NAALADL2: variants seen among roughly 807,000 people sequenced by gnomAD.
NAALADL2 encodes N-acetylated alpha-linked acidic dipeptidase like 2.
NAALADL2 carries 76 observed loss-of-function variants against 87.2 expected under a neutral mutation model. The observed-to-expected ratio is 0.87, with a 90% CI of 0.72 to 1.05. NAALADL2 has a LOEUF of 1.05. NAALADL2 is among the 50% of genes least tolerant of loss of function. The pLI, the probability that NAALADL2 is intolerant of heterozygous loss-of-function variation, is 0.00. For synonymous variants in NAALADL2, 354 were observed against 331.0 expected (o/e 1.07, Z -0.75); for missense variants, 1,089 against 945.8 (o/e 1.15, Z -1.99).
At chr3:175,564,286 C>A (rs758569377) in intron 9 of NAALADL2, among the ~76,000 whole-genome samples, 34 of 151,998 alleles carry the variant, frequency 2.2e-4, no homozygotes, top group Non-Finnish European at 2.4e-4. Context: ...TGCTAATACG[C>A]AAAATAATTT....
At chr3:175,316,216 G>T (rs954694500) in intron 4 of NAALADL2, among the ~76,000 whole-genome samples, 6 of 152,090 alleles carry the variant, frequency 3.9e-5, no homozygotes, top group South Asian at 2.1e-4. Flanking sequence ...GTATTTTCAA[G>T]TAACAGAAGC....
At chr3:175,215,049 C>T (rs1363224237) in intron 2 of NAALADL2, among the ~76,000 whole-genome samples, 1 of 152,078 alleles carries the variant, frequency 6.6e-6, no homozygotes, top group African/African-American at 2.4e-5. Flanking sequence ...CCACAGCCCT[C>T]TTTTTTTCCC....
At chr3:175,040,465 T>TA (rs763416053) in intron 1 of NAALADL2, among the ~76,000 whole-genome samples, 15 of 152,298 alleles carry the variant, frequency 9.8e-5, no homozygotes, top group Admixed American at 3.9e-4. Context: ...GTAGAAAACT[T>TA]ACGGGGGCCG....
chr3:174,936,368 A>G (rs1737686751), intron 1 of NAALADL2, among the ~76,000 whole-genome samples: 1 of 152,086 alleles, frequency 6.6e-6, no homozygotes, highest in African/African-American at 2.4e-5. Context: ...GTTTAGATCT[A>G]TTCCTGGATG....
At chr3:175,787,211 A>T in intron 13 of NAALADL2, among the ~76,000 whole-genome samples, 8 of 151,020 alleles carry the variant, frequency 5.3e-5, no homozygotes, top group African/African-American at 9.7e-5. Flanking sequence ...AGAGGCAGGC[A>T]GGCCTCCTTG....
chr3:175,410,994 T>C (rs1713406329), intron 5 of NAALADL2, among the ~76,000 whole-genome samples: 1 of 152,178 alleles, frequency 6.6e-6, no homozygotes, highest in African/African-American at 2.4e-5. Context: ...TTTCATAAAG[T>C]CCTTTTGGAT....
In NAALADL2 at chr3:175,475,701, A is replaced by G. The variant is rs1725592522; in HGVS notation, c.1653+3943A>G. Among the ~76,000 whole-genome samples the G allele has an allele frequency of 2.6e-5, 4 of 152,086 alleles. No individual in the cohort carries two copies. In the South Asian group the frequency reaches 8.3e-4, roughly 32 times the overall value. On this transcript the variant is annotated intron_variant, in intron 9 of 13. Transcript: ENST00000454872. The stretch of plus-strand genomic sequence containing the variant: ...TCAGTATTGTAAAACTTTGCAGGGG[A>G]CAGACAGTGTTTTTTTAATTTAATT...
intron 2 of NAALADL2, among the ~76,000 whole-genome samples, chr3:174,725,550 T>C (rs1732099908): frequency 6.6e-6 from 1 of 152,210 alleles, no homozygotes; most frequent in African/African-American, 2.4e-5. Flanking sequence ...TCGTAATTTC[T>C]CCTGTAAGAT....
intron 5 of NAALADL2, among the ~76,000 whole-genome samples, chr3:175,364,122 TAAAG>T (rs1765310689): frequency 6.8e-6 from 1 of 147,888 alleles, no homozygotes; most frequent in South Asian, 2.2e-4. Context: ...CTGATTCAAA[TAAAG>T]AAAAGAGTGA....
intron 1 of NAALADL2, among the ~76,000 whole-genome samples, chr3:174,931,483 G>T (rs974765205): frequency 7.2e-5 from 11 of 152,090 alleles, no homozygotes; most frequent in African/African-American, 2.7e-4. Flanking sequence ...ACTTCAAATA[G>T]TTATTAGTAC....
At chr3:175,051,588 C>T (rs139067937) in intron 1 of NAALADL2, among the ~76,000 whole-genome samples, 4 of 152,154 alleles carry the variant, frequency 2.6e-5, no homozygotes, top group African/African-American at 7.2e-5. Context: ...AAGAGTCTCT[C>T]GATCAGTTAG....
chr3:175,573,330 A>G (rs1005480340), intron 9 of NAALADL2, among the ~76,000 whole-genome samples: 1 of 152,214 alleles, frequency 6.6e-6, no homozygotes, highest in African/African-American at 2.4e-5. Flanking sequence ...TAGGTCATTT[A>G]AAAATGATTT....
chr3:174,454,729 A>G (rs971403521), intron 1 of NAALADL2, among the ~76,000 whole-genome samples: 1 of 152,180 alleles, frequency 6.6e-6, no homozygotes, highest in African/African-American at 2.4e-5. Flanking sequence ...GACACAGTTA[A>G]AGCAATGTTA....
At chr3:174,887,001 T>A (rs1730240186) in intron 1 of NAALADL2, among the ~76,000 whole-genome samples, 2 of 152,200 alleles carry the variant, frequency 1.3e-5, no homozygotes, top group Non-Finnish European at 2.9e-5. Context: ...TCAGCTGTAT[T>A]TCTACTCTAA....
intron 2 of NAALADL2, among the ~76,000 whole-genome samples, chr3:174,622,960 G>A (rs1721175076): frequency 6.6e-6 from 1 of 152,130 alleles, no homozygotes; most frequent in Non-Finnish European, 1.5e-5. Flanking sequence ...GGAGAATGGC[G>A]TGAACCCAGG....
intron 1 of NAALADL2, among the ~76,000 whole-genome samples, chr3:174,451,843 GTTTTTTTTTTTTTTTT>G (rs764587503): frequency 3.0e-4 from 29 of 98,100 alleles, no homozygotes. Flanking sequence ...GATAGTGGGA[GTTTTTTTTTTTTTTTT>G]TTTTTTTTTT....
At chr3:175,010,872 T>C (rs556703264) in intron 1 of NAALADL2, among the ~76,000 whole-genome samples, 1 of 152,200 alleles carries the variant, frequency 6.6e-6, no homozygotes, top group South Asian at 2.1e-4. Context: ...TTCTACTAGA[T>C]TCTGCATTTT....
intron 11 of NAALADL2, among the ~76,000 whole-genome samples, chr3:175,735,327 C>T (rs1744351388): frequency 6.6e-6 from 1 of 152,208 alleles, no homozygotes; most frequent in African/African-American, 2.4e-5. Context: ...AACTTTCCCA[C>T]ATTTCCCTGT....
chr3:175,227,505 C>A (rs1036646782), intron 2 of NAALADL2, among the ~76,000 whole-genome samples: 4 of 151,814 alleles, frequency 2.6e-5, no homozygotes, highest in African/African-American at 9.7e-5. Context: ...TAGGTTATAC[C>A]CTTCAATTTT....
Sources: gnomAD v4.1 joint callset for allele counts (sites outside exome capture counted in the v4.1 genomes callset) on GRCh38, gnomAD v4.1.1 for gene constraint, MANE v1.5 for transcripts, NCBI Gene and HGNC (gene_info 2026-07-23, HGNC 2026-07-21) for gene names.